NRG3: variants seen among roughly 807,000 people sequenced by gnomAD.
NRG3 encodes the protein pro-neuregulin-3, membrane-bound isoform.
In NRG3, 31 loss-of-function variants were observed where a neutral mutation model predicts 66.9. That is an observed-to-expected ratio of 0.46 (90% CI 0.35 to 0.63). The LOEUF is 0.63. Among genes scored for constraint, NRG3 ranks in the 20% least tolerant of loss-of-function variants. The pLI is 0.00. For synonymous variants in NRG3, 393 were observed against 359.4 expected (o/e 1.09, Z -1.06); for missense variants, 910 against 878.9 (o/e 1.04, Z -0.45).
intron 1 of NRG3, chr10:81,878,171 A>AC: frequency 7.7e-7 from 1 of 1,297,328 alleles, no homozygotes; most frequent in South Asian, 1.6e-5. Flanking sequence ...ATAAGTAATG[A>AC]TTATTGACAG....
intron 4 of NRG3, among the ~76,000 whole-genome samples, chr10:82,931,139 C>A (rs1221761433): frequency 1.3e-5 from 2 of 152,144 alleles, no homozygotes; most frequent in Non-Finnish European, 2.9e-5. Flanking sequence ...CTTGCAGTAC[C>A]AATACTATCC....
rs565793679 is a variant in NRG3 at position 82,303,866 on chromosome 10, C to CAAAA, written c.824-54870_824-54867dup. 3.2e-3 allele frequency among the ~76,000 whole-genome samples: 490 copies of CAAAA among 151,620 alleles called. 7 individuals are homozygous for CAAAA. The South Asian group carries it at 0.05, about 15-fold the overall frequency. The stretch of plus-strand genomic sequence containing the variant: ...TGGGGGACAGAGCAAGACCCTGTCT[C>CAAAA]AAAAAATAAATAAATAAATAAATAA... On this transcript the variant is annotated intron_variant, in intron 1 of 8. Coordinates refer to ENST00000372141, the MANE Select transcript of NRG3 (RefSeq NM_001010848.4).
chr10:82,346,534 G>T (rs1394057803), intron 1 of NRG3, among the ~76,000 whole-genome samples: 1 of 151,982 alleles, frequency 6.6e-6, no homozygotes, highest in Non-Finnish European at 1.5e-5. Flanking sequence ...CTCTTTTTTG[G>T]TTGAGTCTCT....
intron 1 of NRG3, among the ~76,000 whole-genome samples, chr10:81,986,500 C>T (rs1177828932): frequency 6.6e-6 from 1 of 151,920 alleles, no homozygotes; most frequent in Non-Finnish European, 1.5e-5. Flanking sequence ...TCATTTTAAT[C>T]AAATATGAAA....
intron 2 of NRG3, among the ~76,000 whole-genome samples, chr10:82,721,390 G>A (rs533859589): frequency 6.6e-6 from 1 of 150,974 alleles, no homozygotes; most frequent in East Asian, 2.0e-4. Context: ...CGCCTGCTTC[G>A]GCCTCCCAAA....
intron 1 of NRG3, among the ~76,000 whole-genome samples, chr10:81,985,984 G>A (rs1405383651): frequency 6.6e-6 from 1 of 152,178 alleles, no homozygotes; most frequent in Non-Finnish European, 1.5e-5. Flanking sequence ...AGTAGAGGGA[G>A]TACACTGAAG....
intron 1 of NRG3, among the ~76,000 whole-genome samples, chr10:82,012,003 G>A (rs1277744179): frequency 1.3e-5 from 2 of 152,160 alleles, no homozygotes; most frequent in Non-Finnish European, 2.9e-5. Flanking sequence ...ATGCCCCAGT[G>A]GGGACTCTGT....
In NRG3 at chr10:82,760,504, G is replaced by A. The variant is rs368560818; in HGVS notation, c.1027+21854G>A. On this transcript the variant is annotated intron_variant, in intron 3 of 8. Transcript: ENST00000372141. ...AAACATTACTCTGATAATTAATAGC[G>A]AAGCATAATCATCAAAAAGGCAAAG... is the stretch of plus-strand genomic sequence containing the variant. 1.2e-3 allele frequency among the ~76,000 whole-genome samples: 189 copies of A among 152,166 alleles called. 2 individuals are homozygous for A. Among genetic ancestry groups the A allele is most frequent in the African/African-American group, 4.1e-3 (171 of 41,516 alleles).
chr10:82,055,761 G>C (rs2063816333), intron 1 of NRG3, among the ~76,000 whole-genome samples: 1 of 152,038 alleles, frequency 6.6e-6, no homozygotes, highest in Non-Finnish European at 1.5e-5. Flanking sequence ...GAAAGAGAAG[G>C]GGAGTTAATA....
At chr10:82,709,621 C>T (rs1173171945) in intron 2 of NRG3, among the ~76,000 whole-genome samples, 3 of 152,116 alleles carry the variant, frequency 2.0e-5, no homozygotes, top group African/African-American at 4.8e-5. Flanking sequence ...CCTCATGATC[C>T]CCCCGCCTCG....
At chr10:82,958,531 T>C (rs996199430) in intron 5 of NRG3, among the ~76,000 whole-genome samples, 1 of 152,248 alleles carries the variant, frequency 6.6e-6, no homozygotes, top group East Asian at 1.9e-4. Flanking sequence ...AAGCTAAACA[T>C]ATTTGAATTG....
intron 1 of NRG3, among the ~76,000 whole-genome samples, chr10:82,180,334 A>C (rs1268246820): frequency 1.3e-5 from 2 of 151,928 alleles, no homozygotes; most frequent in Non-Finnish European, 1.5e-5. Context: ...CTTAGGGGAA[A>C]AGCATTCAGG....
At chr10:82,409,748 T>C (rs931607104) in intron 2 of NRG3, among the ~76,000 whole-genome samples, 1 of 152,134 alleles carries the variant, frequency 6.6e-6, no homozygotes, top group African/African-American at 2.4e-5. Context: ...TGGACAGTTC[T>C]CTCTTGGGAT....
intron 2 of NRG3, among the ~76,000 whole-genome samples, chr10:82,514,656 T>A (rs1845491229): frequency 6.6e-6 from 1 of 152,154 alleles, no homozygotes; most frequent in Non-Finnish European, 1.5e-5. Context: ...GTTTGATACC[T>A]CCAGTTTTAT....
intron 3 of NRG3, among the ~76,000 whole-genome samples, chr10:82,864,254 A>T (rs2064302221): frequency 6.6e-6 from 1 of 152,182 alleles, no homozygotes; most frequent in Non-Finnish European, 1.5e-5. Context: ...CCAACTTAAT[A>T]ATTAATGACA....
At chr10:82,466,732 G>A (rs1840715017) in intron 2 of NRG3, among the ~76,000 whole-genome samples, 1 of 152,072 alleles carries the variant, frequency 6.6e-6, no homozygotes, top group Non-Finnish European at 1.5e-5. Context: ...GACATGTGCT[G>A]CTGAGAATAG....
intron 1 of NRG3, among the ~76,000 whole-genome samples, chr10:82,330,275 T>A (rs190586347): frequency 3.9e-5 from 6 of 152,298 alleles, no homozygotes; most frequent in Admixed American, 6.5e-5. Context: ...AAATTATAAT[T>A]ATATAAACTT....
chr10:82,565,068 G>A (rs966998007), intron 2 of NRG3, among the ~76,000 whole-genome samples: 2 of 152,064 alleles, frequency 1.3e-5, no homozygotes, highest in Admixed American at 6.6e-5. Flanking sequence ...ATAAGGATAC[G>A]AAGTGGAAGG....
chr10:82,038,600 A>G (rs922341732), intron 1 of NRG3, among the ~76,000 whole-genome samples: 1 of 152,138 alleles, frequency 6.6e-6, no homozygotes, highest in Non-Finnish European at 1.5e-5. Context: ...CCAAGCCTAG[A>G]CATGGCTTTT....
Sources: allele counts gnomAD v4.1 joint callset (sites outside exome capture counted in the v4.1 genomes callset), GRCh38; gene constraint gnomAD v4.1.1; transcripts MANE v1.5; gene names NCBI Gene and HGNC (gene_info 2026-07-23, HGNC 2026-07-21).